Variants in TROAP observed in about 807,000 individuals in gnomAD.
TROAP encodes the protein tastin.
TROAP carries 62 observed loss-of-function variants against 83.4 expected under a neutral mutation model. That is an observed-to-expected ratio of 0.74 (90% CI 0.61 to 0.92). The LOEUF (loss-of-function observed/expected upper bound fraction) is 0.92. Among genes scored for constraint, TROAP ranks in the 40% least tolerant of loss-of-function variants. The pLI is 0.00. For synonymous variants in TROAP, 352 were observed against 386.4 expected, an observed-to-expected ratio of 0.91 and a Z score of 1.04; for missense variants, 876 against 985.1, an observed-to-expected ratio of 0.89 and a Z score of 1.48.
chr12:49,328,989 T>C lies in TROAP; in HGVS notation c.954T>C (p.His318=). ...CTGTGGCCCAGCCCTTGCCTGGCCATGTGGTGCCATGTCCATCACCCTTTG... is the reference window on the plus strand; with the variant it reads ...CTGTGGCCCAGCCCTTGCCTGGCCACGTGGTGCCATGTCCATCACCCTTTG... ...PAPVAQPLPG[H]VVPCPSPFGR... is the part of the protein sequence containing the mutation. The change falls in exon 9 of 15, where the codon CAT becomes CAC. Residue 318 remains histidine (H), a synonymous_variant. Coordinates refer to ENST00000257909, the MANE Select transcript of TROAP (RefSeq NM_005480.4). 6.2e-7 allele frequency: 1 copy of C among 1,610,044 alleles called. No individual in the cohort carries two copies. The highest frequency in any genetic ancestry group is 8.5e-7 in the Non-Finnish European group (1 of 1,177,326).
In TROAP at chr12:49,330,625, A is replaced by G. The variant is rs762142500; in HGVS notation, c.1780A>G (p.Arg594Gly). ...ACCCAGGCCCCTAGAGTCCTACTGT[A>G]GGATTGAGCCTGAGATACCGGAGTC... ...AEPRPLESYC[R>G]IEPEIPESSR... The change falls in exon 13 of 15, where the codon AGG becomes GGG. Residue 594 changes from arginine (R) to glycine (G), a missense_variant. By Grantham distance (125) the Arg-to-Gly change is moderately radical. Coordinates refer to ENST00000257909, the MANE Select transcript of TROAP (RefSeq NM_005480.4). 6.2e-7 allele frequency: 1 copy of G among 1,608,906 alleles called. No individual in the cohort carries two copies. Among genetic ancestry groups the G allele is most frequent in the South Asian group, 1.1e-5 (1 of 90,784 alleles).
Position 49,330,592 on chromosome 12 carries a change from C to T in TROAP, c.1747C>T (p.Pro583Ser). Residue 583 changes from proline (P) to serine (S), a missense_variant, in exon 13 of 15, where the codon CCA becomes TCA. Pro to Ser is a moderately conservative substitution (Grantham distance 74, BLOSUM62 -1). Around this residue, in one of 3 missense-constraint regions of TROAP, gnomAD observed 3 missense variants for 24.1 expected, o/e 0.12. Coordinates refer to ENST00000257909, the MANE Select transcript of TROAP (RefSeq NM_005480.4). The stretch of plus-strand genomic sequence containing the variant: ...GCTTGAGGTACCTGAGCCCTGCCCT[C>T]CAGCAGAACCCAGGCCCCTAGAGTC... The part of the protein sequence containing the change: ...EQLEVPEPCP[P>S]AEPRPLESYC... 1 of 1,613,108 alleles carries T rather than the reference C, an allele frequency of 6.2e-7. No homozygotes were observed. The highest frequency in any genetic ancestry group is 8.5e-7 in the Non-Finnish European group (1 of 1,179,774).
intron 3 of TROAP, among the ~76,000 whole-genome samples, chr12:49,324,912 T>C (rs1943473584): frequency 7.1e-6 from 1 of 141,328 alleles, no homozygotes; most frequent in Non-Finnish European, 1.5e-5. Flanking sequence ...TTTCTTTCTT[T>C]TTTTTTTTTT....
intron 8 of TROAP, 140 bp from the exon 9 acceptor site, chr12:49,328,787 C>T (rs1943536509): frequency 2.5e-6 from 3 of 1,196,682 alleles, no homozygotes; most frequent in Admixed American, 6.0e-5. Context: ...TGGTGTGAAC[C>T]CGGGATGCGG....
chr12:49,325,614 G>C lies in TROAP; in HGVS notation c.451G>C (p.Val151Leu). Residue 151 changes from valine to leucine, a missense_variant, in exon 4 of 15, where the codon GTA becomes CTA. By Grantham distance (32) the Val-to-Leu change is conservative. Coordinates refer to ENST00000257909, the MANE Select transcript of TROAP (RefSeq NM_005480.4). ...GCGCCAGCCTAGTCTGGCTAAAAGAGTACTGGTTCGAGGAAGTCAGGGAGG... is the reference window on the plus strand; with the variant it reads ...GCGCCAGCCTAGTCTGGCTAAAAGACTACTGGTTCGAGGAAGTCAGGGAGG... ...LGRQPSLAKR[V>L]LVRGSQGGTT... 1.9e-6 allele frequency: 3 copies of C among 1,613,928 alleles called. No individual in the cohort carries two copies. In the South Asian group the frequency reaches 3.3e-5, roughly 18 times the overall value.
Position 49,329,943 on chromosome 12 carries a change from T to C in TROAP, c.1251T>C (p.Ser417=). ...GGAAACCACCGGTGGCCACTCCTTC[T>C]GGACCCCACTCTAACAGAACCCCCA... ...GSGKPPVATP[S]GPHSNRTPSL... Residue 417 remains serine (S), a synonymous_variant, in exon 12 of 15, where the codon TCT becomes TCC. Coordinates refer to ENST00000257909, the MANE Select transcript of TROAP (RefSeq NM_005480.4). The surrounding 1 kb of genome is among the most constrained non-coding windows in gnomAD (Gnocchi z 4.5). 1 of 1,614,148 alleles carries C rather than the reference T, an allele frequency of 6.2e-7. No homozygotes were observed. Among genetic ancestry groups the C allele is most frequent in the Non-Finnish European group, 8.5e-7 (1 of 1,180,020 alleles).
In TROAP at chr12:49,326,083, C is replaced by G. The variant is rs1374033517; in HGVS notation, c.641C>G (p.Pro214Arg). The change falls in exon 6 of 15, where the codon CCT (proline) becomes CGT (arginine). Residue 214 changes from proline (P) to arginine (R), a missense_variant. Physicochemically the swap from Pro to Arg is moderately radical, Grantham distance 103. Around this residue, in one of 3 missense-constraint regions of TROAP, gnomAD observed 689 missense variants for 722.6 expected, o/e 0.95. Coordinates refer to ENST00000257909, the MANE Select transcript of TROAP (RefSeq NM_005480.4). ...CPQRLQALIS[P>R]SGPSFHPSTR... Reference sequence around the variant, plus strand: ...CTTGCTCCTGTGGATCAGATTTCACCTTCAGGACCTTCCTTTCACCCTTCC... The same window carrying G: ...CTTGCTCCTGTGGATCAGATTTCACGTTCAGGACCTTCCTTTCACCCTTCC... 1 of 1,613,688 alleles carries G rather than the reference C, an allele frequency of 6.2e-7. No individual in the cohort carries two copies. The highest frequency in any genetic ancestry group is 8.5e-7 in the Non-Finnish European group (1 of 1,180,036).
Position 49,331,309 on chromosome 12 carries a change from G to C in TROAP, c.2194G>C (p.Asp732His), listed in dbSNP as rs760953795. 2 of 1,614,214 alleles carry C rather than the reference G, an allele frequency of 1.2e-6. No individual in the cohort carries two copies. Among genetic ancestry groups the C allele is most frequent in the East Asian group, 2.2e-5 (1 of 44,880 alleles). Reference protein sequence around the residue: ...IHCFHEARLDDECAFYTSRAP... With the variant: ...IHCFHEARLDHECAFYTSRAP... ...CTGCTTCCACGAGGCTCGTCTGGAC[G>C]ATGAGTGTGCCTTTTACACCAGCCG... is the stretch of plus-strand genomic sequence containing the variant. Residue 732 changes from aspartate to histidine, a missense_variant, in exon 14 of 15, where the codon GAT becomes CAT. By Grantham distance (81) the Asp-to-His change is moderately conservative (BLOSUM62 -1). Around this residue, in one of 3 missense-constraint regions of TROAP, gnomAD observed 184 missense variants for 238.3 expected, o/e 0.77. Coordinates refer to ENST00000257909, the MANE Select transcript of TROAP (RefSeq NM_005480.4).
Position 49,327,326 on chromosome 12 carries a change from C to T in TROAP, c.887C>T (p.Thr296Ile). 6.2e-7 allele frequency: 1 copy of T among 1,613,856 alleles called. No individual in the cohort carries two copies. The highest frequency in any genetic ancestry group is 1.1e-5 in the South Asian group (1 of 91,038). ...PLRENREMSH[T>I]RDSHDSHLMP... is the part of the protein sequence containing the mutation. ...AGAGAAAACCGAGAAATGTCACATA[C>T]CAGGGTGAGATGCGACTCTCCTGGG... The change falls in exon 8 of 15, where the codon ACC becomes ATC. Residue 296 changes from threonine to isoleucine, a missense_variant. Physicochemically the swap from Thr to Ile is moderately conservative, Grantham distance 89 (BLOSUM62 -1). This residue lies in a region of TROAP where 689 missense variants were observed against 722.6 expected (regional missense o/e 0.95). Transcript: ENST00000257909.
Position 49,329,779 on chromosome 12 carries a change from C to T in TROAP, c.1165-78C>T. On this transcript the variant is annotated intron_variant, in intron 11 of 14. Coordinates refer to ENST00000257909, the MANE Select transcript of TROAP (RefSeq NM_005480.4). This position sits in a 1 kb window ranked among gnomAD's most constrained non-coding sequence, Gnocchi z 4.5. ...CTCAGTTAGGGGCTTCAATCCATTC[C>T]TCATGAGGGTGGGACTCAGGCTGGT... 2.6e-6 allele frequency: 4 copies of T among 1,565,826 alleles called. No homozygotes were observed. In the South Asian group the frequency reaches 4.9e-5, roughly 19 times the overall value.
chr12:49,325,702 G>T, intron 4 of TROAP, 44 bp downstream of exon 4: 2 of 1,612,592 alleles, frequency 1.2e-6, no homozygotes, highest in Admixed American at 1.7e-5. Flanking sequence ...GGGGCACTGA[G>T]GGGGGCATCC....
At chr12:49,325,220 A>C (rs1943479615) in intron 3 of TROAP, among the ~76,000 whole-genome samples, 1 of 148,868 alleles carries the variant, frequency 6.7e-6, no homozygotes, top group Non-Finnish European at 1.5e-5. Context: ...CACCCAGCCA[A>C]TTTTTGTATT....
intron 3 of TROAP, chr12:49,324,316 G>A (rs1943460114): frequency 2.3e-6 from 2 of 852,304 alleles, no homozygotes; most frequent in Admixed American, 1.9e-5. Flanking sequence ...AGACCAGCCT[G>A]GATGACAGAG....
At chr12:49,326,862 G>A in intron 7 of TROAP, 142 bp downstream of exon 7, 1 of 928,602 alleles carries the variant, frequency 1.1e-6, no homozygotes, top group Non-Finnish European at 1.6e-6. Context: ...AGAAGGAGAA[G>A]AGACCTTCTA....
intron 4 of TROAP, 43 bp from the exon 5 acceptor site, chr12:49,325,704 G>T: frequency 2.5e-6 from 4 of 1,612,834 alleles, no homozygotes; most frequent in Non-Finnish European, 3.4e-6. Flanking sequence ...GGCACTGAGG[G>T]GGGCATCCTG....
rs1346371349 is a variant in TROAP, at chr12:49,323,554, TG to T, written c.-5-49del. The T allele has an allele frequency of 3.8e-6, 6 of 1,592,998 alleles. No individual in the cohort carries two copies. In the East Asian group the frequency reaches 1.3e-4, roughly 36 times the overall value. On this transcript the variant is annotated intron_variant, in intron 1 of 14. Transcript: ENST00000257909. ...CAGGACAGGTGCCCCGAGAACTGGT[TG>T]ATCTTTGATCTTAGATTCTGCCTGC...
At position 49,331,643 on chromosome 12, in the gene TROAP, T is replaced by C. The variant is rs753526142; in HGVS notation, c.*26T>C. 1.2e-6 allele frequency: 2 copies of C among 1,613,792 alleles called. No homozygotes were observed. The highest frequency in any genetic ancestry group is 2.7e-5 in the African/African-American group (2 of 74,880). On this transcript the variant is annotated 3_prime_UTR_variant, in exon 15 of 15. Transcript: ENST00000257909. ...TGAGACAACCACTCCTGCCCTGCCGTACTTCTTCCTTTTAGCCCTTATTTA... is the reference window on the plus strand; with the variant it reads ...TGAGACAACCACTCCTGCCCTGCCGCACTTCTTCCTTTTAGCCCTTATTTA...
rs779811117 is a variant in TROAP at position 49,328,953 on chromosome 12, C to T, written c.918C>T (p.Pro306=). The T allele has an allele frequency of 6.3e-7, 1 of 1,588,564 alleles. No individual in the cohort carries two copies. The highest frequency in any genetic ancestry group is 2.2e-5 in the East Asian group (1 of 44,512). ...TRDSHDSHLM[P]SPAPVAQPLP... ...ACAGCCATGACTCCCACCTGATGCC[C>T]TCCCCTGCCCCTGTGGCCCAGCCCT... Residue 306 remains proline (P), a synonymous_variant, in exon 9 of 15, where the codon CCC becomes CCT. Coordinates refer to ENST00000257909, the MANE Select transcript of TROAP (RefSeq NM_005480.4).
Position 49,325,901 on chromosome 12 carries a change from G to A in TROAP, c.633+17G>A. On this transcript the variant is annotated intron_variant, in intron 5 of 14. Coordinates refer to ENST00000257909, the MANE Select transcript of TROAP (RefSeq NM_005480.4). Reference sequence around the variant, plus strand: ...CAGGCTCTGGTGAGTGCCCTTGAGGGGCTGATAGTCGGTGCTTCTGGGAGC... The same window carrying A: ...CAGGCTCTGGTGAGTGCCCTTGAGGAGCTGATAGTCGGTGCTTCTGGGAGC... 6.2e-7 allele frequency: 1 copy of A among 1,609,720 alleles called. No individual in the cohort carries two copies. The highest frequency in any genetic ancestry group is 8.5e-7 in the Non-Finnish European group (1 of 1,178,386).
Sources: gnomAD v4.1 joint callset for allele counts (sites outside exome capture counted in the v4.1 genomes callset) on GRCh38, gnomAD v4.1.1 for gene constraint, gnomAD v4.1.1 regional missense constraint, Gnocchi (gnomAD v3.1) non-coding constraint, MANE v1.5 for transcripts, NCBI Gene and HGNC (gene_info 2026-07-23, HGNC 2026-07-21) for gene names.